PRKG1: variants seen among roughly 807,000 people sequenced by gnomAD.
PRKG1 encodes cGMP-dependent protein kinase 1.
PRKG1 carries 35 observed loss-of-function variants against 88.1 expected under a neutral mutation model. The ratio of observed to expected loss-of-function variants is 0.40; its 90% CI spans 0.30 to 0.53. The LOEUF (loss-of-function observed/expected upper bound fraction) is 0.53. Among genes scored for constraint, PRKG1 ranks in the 20% least tolerant of loss-of-function variants. The pLI is 0.59. For synonymous variants in PRKG1, 303 were observed against 292.5 expected, an observed-to-expected ratio of 1.04 and a Z score of -0.37; for missense variants, 540 against 839.8, an observed-to-expected ratio of 0.64 and a Z score of 4.41.
intron 5 of PRKG1, among the ~76,000 whole-genome samples, chr10:52,005,945 G>T (rs529071132): frequency 1.3e-3 from 196 of 152,084 alleles, no homozygotes; most frequent in Non-Finnish European, 1.8e-3. Context: ...ACAACACCGA[G>T]AAGAAGAACT....
At chr10:51,408,807 T>C (rs910631770) in intron 2 of PRKG1, among the ~76,000 whole-genome samples, 20 of 152,194 alleles carry the variant, frequency 1.3e-4, no homozygotes, top group African/African-American at 4.6e-4. Flanking sequence ...GTGGTGTCCA[T>C]AGAATGGTTC....
intron 1 of PRKG1, among the ~76,000 whole-genome samples, chr10:51,020,167 T>C (rs1251086176): frequency 6.6e-6 from 1 of 152,212 alleles, no homozygotes; most frequent in Non-Finnish European, 1.5e-5. Context: ...TAATTATTTT[T>C]ATTTTTTATT....
intron 3 of PRKG1, among the ~76,000 whole-genome samples, chr10:51,546,014 A>G (rs1314137448): frequency 6.6e-6 from 1 of 150,980 alleles, no homozygotes; most frequent in African/African-American, 2.4e-5. Flanking sequence ...TTAGTAACTC[A>G]GTGGTTAAAT....
chr10:52,262,261 T>G (rs551308684), intron 10 of PRKG1, among the ~76,000 whole-genome samples: 4 of 147,128 alleles, frequency 2.7e-5, no homozygotes, highest in East Asian at 1.9e-4. Context: ...ATGAAGCTGG[T>G]TTTTTTTGTT....
chr10:51,655,610 C>A (rs543583675), intron 3 of PRKG1, among the ~76,000 whole-genome samples: 1 of 152,052 alleles, frequency 6.6e-6, no homozygotes, highest in Admixed American at 6.6e-5. Flanking sequence ...AATATATATA[C>A]TTTTAAGCCC....
At chr10:51,183,592 T>C (rs533945975) in intron 2 of PRKG1, among the ~76,000 whole-genome samples, 37 of 152,234 alleles carry the variant, frequency 2.4e-4, no homozygotes, top group South Asian at 1.5e-3. Flanking sequence ...TGAAGAGAGG[T>C]AAATCTACTT....
chr10:52,208,750 G>A (rs550170013), intron 9 of PRKG1, among the ~76,000 whole-genome samples: 3 of 152,186 alleles, frequency 2.0e-5, no homozygotes, highest in African/African-American at 7.2e-5. Flanking sequence ...TTTTCCATTT[G>A]GTCATGAAAT....
chr10:51,565,421 T>C (rs10998179), intron 3 of PRKG1, among the ~76,000 whole-genome samples: 50,631 of 151,840 alleles, frequency 0.33, 10,285 homozygotes, highest in East Asian at 0.88. Flanking sequence ...AGTGGCAGTG[T>C]TTTCTGTGAA....
At chr10:51,936,574 G>T (rs1327773942) in intron 5 of PRKG1, among the ~76,000 whole-genome samples, 1 of 151,974 alleles carries the variant, frequency 6.6e-6, no homozygotes, top group Non-Finnish European at 1.5e-5. Context: ...AACAGGACTT[G>T]TGAAAAATCT....
intron 3 of PRKG1, among the ~76,000 whole-genome samples, chr10:51,736,945 A>G (rs752102412): frequency 2.0e-5 from 3 of 152,068 alleles, no homozygotes; most frequent in Non-Finnish European, 4.4e-5. Context: ...CCATAAATCC[A>G]TCTTACTTTT....
intron 3 of PRKG1, among the ~76,000 whole-genome samples, chr10:51,477,887 G>A (rs6480277): frequency 0.35 from 52,833 of 151,746 alleles, 9,565 homozygotes; most frequent in Non-Finnish European, 0.39. Context: ...GGGGAAGTTG[G>A]TTCATATGCA....
chr10:51,683,081 T>G (rs1256966205), intron 3 of PRKG1, among the ~76,000 whole-genome samples: 1 of 152,196 alleles, frequency 6.6e-6, no homozygotes, highest in Non-Finnish European at 1.5e-5. Context: ...GTTATTTTAT[T>G]TATAGTAAAT....
chr10:51,931,891 T>TAGTC (rs1206111335), intron 5 of PRKG1, among the ~76,000 whole-genome samples: 4 of 152,302 alleles, frequency 2.6e-5, no homozygotes, highest in African/African-American at 9.6e-5. Context: ...AGAATCCAAA[T>TAGTC]AGTCTATTAT....
rs1389690420 is a variant in PRKG1 at position 51,126,077 on chromosome 10, AT to A, written c.312-27085del. On this transcript the variant is annotated intron_variant, in intron 1 of 17. Coordinates refer to ENST00000373980, the MANE Select transcript of PRKG1 (RefSeq NM_006258.4). ...AATTATATATAATATACTACATATA[AT>A]TATATAATTATATAATAATATACTA... is the stretch of plus-strand genomic sequence containing the variant. 1.5e-3 allele frequency among the ~76,000 whole-genome samples: 180 copies of A among 118,726 alleles called. 1 individual carries two copies. Among genetic ancestry groups the A allele is most frequent in the African/African-American group, 5.6e-3 (167 of 29,730 alleles). 77.9% of individuals were successfully genotyped at this position (118,726 alleles called of 152,430 possible). A position where few individuals can be genotyped will look rare whatever the true frequency, so the allele number is the denominator to read the frequency against.
chr10:51,843,090 A>ATTATTTTTTTTT, intron 4 of PRKG1, among the ~76,000 whole-genome samples: 1 of 117,514 alleles, frequency 8.5e-6, no homozygotes, highest in Non-Finnish European at 1.9e-5. Flanking sequence ...TAGGAAAATT[A>ATTATTTTTTTTT]TTCTTTTTTT....
chr10:51,138,083 TTA>T (rs1293799612), intron 1 of PRKG1, among the ~76,000 whole-genome samples: 1 of 152,206 alleles, frequency 6.6e-6, no homozygotes, highest in Non-Finnish European at 1.5e-5. Flanking sequence ...TTACTCCTCA[TTA>T]TGTTTTCAAA....
intron 3 of PRKG1, among the ~76,000 whole-genome samples, chr10:51,708,446 G>T (rs1268617492): frequency 6.6e-6 from 1 of 152,036 alleles, no homozygotes; most frequent in Non-Finnish European, 1.5e-5. Context: ...TCTAGGAAAA[G>T]AAAAAATGGG....
At chr10:51,437,239 C>A (rs1213565483) in intron 2 of PRKG1, among the ~76,000 whole-genome samples, 1 of 151,938 alleles carries the variant, frequency 6.6e-6, no homozygotes, top group East Asian at 1.9e-4. Flanking sequence ...TTTATTTATT[C>A]TCATAGAGAA....
At chr10:51,078,210 C>CTT (rs151225499) in intron 1 of PRKG1, among the ~76,000 whole-genome samples, 7,971 of 151,180 alleles carry the variant, frequency 0.053, 308 homozygotes, top group East Asian at 0.16. Flanking sequence ...ATTTTGTTTC[C>CTT]TTTCTTTTTC....
Sources: gnomAD v4.1 joint callset for allele counts (sites outside exome capture counted in the v4.1 genomes callset) on GRCh38, gnomAD v4.1.1 for gene constraint, MANE v1.5 for transcripts, NCBI Gene and HGNC (gene_info 2026-07-23, HGNC 2026-07-21) for gene names.